Variants in CCR6 observed in about 807,000 individuals in gnomAD.
CCR6 encodes the protein C-C motif chemokine receptor 6.
A neutral mutation model predicts 3.0 loss-of-function variants in CCR6; 2 were observed. The observed-to-expected ratio is 0.66, with a 90% CI of 0.27 to 2.07. CCR6 has a LOEUF of 2.07. Among genes scored for constraint, CCR6 ranks in the 30% most tolerant of loss-of-function variants. The probability of loss-of-function intolerance (pLI) is 0.14; values close to 1 mark genes in which losing one functional copy is unlikely to be tolerated. For missense variants in CCR6, 322 were observed against 462.8 expected (o/e 0.70, Z 2.79); for synonymous variants, 193 against 184.3 (o/e 1.05, Z -0.38).
In CCR6 at chr6:167,130,985, CTGGA is replaced by C; in HGVS notation, c.-97-5052_-97-5049del. Among the ~76,000 whole-genome samples, 5 of 109,882 alleles carry C rather than the reference CTGGA, an allele frequency of 4.6e-5. 1 individual carries two copies. Among genetic ancestry groups the C allele is most frequent in the African/African-American group, 1.4e-4 (4 of 28,792 alleles). The allele number at this position is 109,882 out of a possible 152,430, so 72.1% of individuals were successfully genotyped here. On this transcript the variant is annotated intron_variant, in intron 1 of 2. Coordinates refer to ENST00000341935, the MANE Select transcript of CCR6 (RefSeq NM_031409.4). ...TCCTCCCTCTGGGACCACCCTCCCT[CTGGA>C]CCCCCTCCCTTTGGGACCCCTCCTT...
intron 1 of CCR6, among the ~76,000 whole-genome samples, chr6:167,134,148 G>C (rs1313464251): frequency 6.6e-6 from 1 of 151,722 alleles, no homozygotes; most frequent in African/African-American, 2.4e-5. Flanking sequence ...CTAGTGCCGA[G>C]GTCTGAAAAT....
At chr6:167,134,484 CA>C (rs1252926279) in intron 1 of CCR6, among the ~76,000 whole-genome samples, 2 of 152,172 alleles carry the variant, frequency 1.3e-5, no homozygotes, top group Non-Finnish European at 2.9e-5. Context: ...TGACTCCAGG[CA>C]TCAGGGAAGG....
At chr6:167,113,001 T>C (rs1781438729) in intron 1 of CCR6, among the ~76,000 whole-genome samples, 1 of 151,878 alleles carries the variant, frequency 6.6e-6, no homozygotes, top group African/African-American at 2.4e-5. Context: ...TTAACAATAC[T>C]GCGATTCCAT....
Position 167,136,527 on chromosome 6 carries a change from C to T in CCR6, c.297C>T (p.Leu99=), listed in dbSNP as rs772307515. 4.4e-6 allele frequency: 7 copies of T among 1,591,704 alleles called. No homozygotes were observed. Among genetic ancestry groups the T allele is most frequent in the Non-Finnish European group, 6.0e-6 (7 of 1,167,904 alleles). ...AIADILFVLT[L]PFWAVSHATG... ...CAGACATCCTCTTTGTTCTTACTCT[C>T]CCATTCTGGGCAGTGAGTCATGCCA... is the stretch of plus-strand genomic sequence containing the variant. The change falls in exon 3 of 3, where the codon CTC becomes CTT. Residue 99 remains leucine (L), a synonymous_variant. Coordinates refer to ENST00000341935, the MANE Select transcript of CCR6 (RefSeq NM_031409.4). The surrounding 1 kb of genome is among the most constrained non-coding windows in gnomAD (Gnocchi z 4.6).
intron 1 of CCR6, among the ~76,000 whole-genome samples, chr6:167,127,602 A>C (rs939957755): frequency 6.6e-6 from 1 of 152,234 alleles, no homozygotes; most frequent in Non-Finnish European, 1.5e-5. Context: ...AAGGATTTGA[A>C]TCTTCAAAGC....
At chr6:167,115,641 C>G (rs529297972) in intron 1 of CCR6, 1 of 152,180 alleles carries the variant, frequency 6.6e-6, no homozygotes, top group Non-Finnish European at 1.5e-5. Context: ...TATCTGGAAA[C>G]GTCTAGAAGG....
chr6:167,112,696 C>A (rs921965596), intron 1 of CCR6, among the ~76,000 whole-genome samples: 1 of 151,864 alleles, frequency 6.6e-6, no homozygotes, highest in Admixed American at 6.6e-5. Context: ...GGGCAGCAGG[C>A]GGCATCACAG....
At chr6:167,117,944 GTTT>G (rs34732907), upstream of CCR6, among the ~76,000 whole-genome samples, 60,765 of 139,502 alleles carry the variant, frequency 0.44, 12,745 homozygotes, top group Admixed American at 0.53. Context: ...GCACTTTTCT[GTTT>G]TTTTTTTTTT....
rs1491335734 is a variant in CCR6, at chr6:167,130,975, C to CCCTCCTTCTGGG, written c.-97-5063_-97-5062insCCTCCTTCTGGG. ...CCTCCGGGACTCCTCCCTCTGGGAC[C>CCCTCCTTCTGGG]ACCCTCCCTCTGGACCCCCTCCCTT... On this transcript the variant is annotated intron_variant, in intron 1 of 2. Coordinates refer to ENST00000341935, the MANE Select transcript of CCR6 (RefSeq NM_031409.4). Among the ~76,000 whole-genome samples, 21 of 131,264 alleles carry CCCTCCTTCTGGG rather than the reference C, an allele frequency of 1.6e-4. 1 individual carries two copies. The South Asian group carries it at 2.6e-3, about 16-fold the overall frequency. The allele number at this position is 131,264 out of a possible 152,430, so 86.1% of individuals were successfully genotyped here.
intron 1 of CCR6, among the ~76,000 whole-genome samples, chr6:167,113,191 C>G (rs1009065214): frequency 6.6e-6 from 1 of 152,072 alleles, no homozygotes; most frequent in Non-Finnish European, 1.5e-5. Context: ...ATAGATACCA[C>G]GAAGCCTGTA....
At chr6:167,126,338 C>T (rs111869076) in intron 1 of CCR6, 6 of 152,212 alleles carry the variant, frequency 3.9e-5, no homozygotes, top group East Asian at 3.8e-4. Flanking sequence ...CTAAGTCTAA[C>T]GTATGTCCAC....
rs1175263379 is a variant in CCR6 at position 167,136,112 on chromosome 6, A to C, written c.-23A>C. 6.2e-7 allele frequency: 1 copy of C among 1,613,034 alleles called. No homozygotes were observed. On this transcript the variant is annotated 5_prime_UTR_variant, in exon 2 of 3. Transcript: ENST00000341935. The surrounding 1 kb of genome is among the most constrained non-coding windows in gnomAD (Gnocchi z 4.6). ...ACCATACACTCCTTTTTCTACAACC[A>C]GCTTGCATTTTTTCTGCCCACAATG... is the stretch of plus-strand genomic sequence containing the variant.
At chr6:167,121,325 G>A (rs1212477863), upstream of CCR6, among the ~76,000 whole-genome samples, 1 of 152,268 alleles carries the variant, frequency 6.6e-6, no homozygotes, top group Non-Finnish European at 1.5e-5. Flanking sequence ...TTGGTCCCCA[G>A]CAAAGTCCAA....
intron 1 of CCR6, among the ~76,000 whole-genome samples, chr6:167,128,865 C>T (rs1366444282): frequency 6.6e-6 from 1 of 152,238 alleles, no homozygotes; most frequent in Non-Finnish European, 1.5e-5. Context: ...TGAGCCAATG[C>T]ACGCGGCCTG....
At chr6:167,125,334 G>A (rs1418305660) in intron 1 of CCR6, among the ~76,000 whole-genome samples, 1 of 152,022 alleles carries the variant, frequency 6.6e-6, no homozygotes, top group Non-Finnish European at 1.5e-5. Context: ...GAATTTTCTT[G>A]GACAGAGTCT....
upstream of CCR6, among the ~76,000 whole-genome samples, chr6:167,122,457 T>G (rs1781603943): frequency 6.6e-6 from 1 of 152,210 alleles, no homozygotes; most frequent in Non-Finnish European, 1.5e-5. This position sits in a 1 kb window ranked among gnomAD's most constrained non-coding sequence, Gnocchi z 4.2. Flanking sequence ...CTGTGCCACA[T>G]GAAGATTAGG....
upstream of CCR6, among the ~76,000 whole-genome samples, chr6:167,119,765 C>CT (rs1781559095): frequency 2.0e-5 from 3 of 152,178 alleles, no homozygotes; most frequent in African/African-American, 7.2e-5. Context: ...CCTTTTTTAA[C>CT]TTTTTTATGA....
At chr6:167,117,415 C>A (rs201241665) in intron 1 of CCR6, among the ~76,000 whole-genome samples, 5 of 109,912 alleles carry the variant, frequency 4.5e-5, no homozygotes, top group East Asian at 5.1e-4. Flanking sequence ...TTTTTTTTTT[C>A]TTTTTTTTTT....
chr6:167,137,334 T>C lies in CCR6; in HGVS notation c.1104T>C (p.Asn368=). ...CCAGTGAGACCGCAGATAACGACAA[T>C]GCGTCGTCCTTCACTATGTGATAGA... The part of the protein sequence containing the change: ...RQTSETADND[N]ASSFTM Residue 368 remains asparagine, a synonymous_variant, in exon 3 of 3, where the codon AAT becomes AAC. Transcript: ENST00000341935. The surrounding 1 kb of genome is among the most constrained non-coding windows in gnomAD (Gnocchi z 4.6). 1 of 1,612,768 alleles carries C rather than the reference T, an allele frequency of 6.2e-7. No individual in the cohort carries two copies.
Sources: gnomAD v4.1 joint callset for allele counts (sites outside exome capture counted in the v4.1 genomes callset) on GRCh38, gnomAD v4.1.1 for gene constraint, Gnocchi (gnomAD v3.1) non-coding constraint, MANE v1.5 for transcripts, NCBI Gene and HGNC (gene_info 2026-07-23, HGNC 2026-07-21) for gene names.